The following S100A8 variants were observed in gnomAD, a reference collection of about 807,000 sequenced individuals.
S100A8 encodes the protein S100 calcium binding protein A8.
In S100A8, 1 loss-of-function variant was observed where a neutral mutation model predicts 4.2. That is an observed-to-expected ratio of 0.24 (90% CI 0.08 to 1.12). S100A8 has a LOEUF of 1.12. Ranked by LOEUF, S100A8 falls within the 50% of genes most tolerant of loss-of-function variation. The pLI is 0.53. For synonymous variants in S100A8, 41 were observed against 44.7 expected (o/e 0.92, Z 0.33); for missense variants, 96 against 111.8 (o/e 0.86, Z 0.64).
the S100A8 span, among the ~76,000 whole-genome samples, chr1:153,410,883 T>C: frequency 3.3e-5 from 5 of 152,174 alleles, no homozygotes; most frequent in Admixed American, 2.6e-4. Flanking sequence ...AAAATCCACA[T>C]GATTATCTCA....
At chr1:153,405,755 C>T in the S100A8 span, among the ~76,000 whole-genome samples, 1 of 152,000 alleles carries the variant, frequency 6.6e-6, no homozygotes. Flanking sequence ...CCTGCATTTC[C>T]ATAGAGCCAC....
At chr1:153,407,756 C>T in the S100A8 span, among the ~76,000 whole-genome samples, 5 of 152,182 alleles carry the variant, frequency 3.3e-5, no homozygotes, top group Non-Finnish European at 5.9e-5. Context: ...CCAGGTGCCC[C>T]TCTGAGACAA....
chr1:153,398,406 G>A, the S100A8 span, among the ~76,000 whole-genome samples: 5 of 145,582 alleles, frequency 3.4e-5, no homozygotes, highest in Non-Finnish European at 7.6e-5. Flanking sequence ...GGGGGCCACC[G>A]CAGTCCCTGC....
chr1:153,391,928 C>T (rs375754536), upstream of S100A8, among the ~76,000 whole-genome samples: 20 of 152,076 alleles, frequency 1.3e-4, no homozygotes, highest in African/African-American at 7.3e-5. Flanking sequence ...AAGCCAGACG[C>T]GCTTCATGCC....
upstream of S100A8, among the ~76,000 whole-genome samples, chr1:153,391,399 C>T (rs1557848091): frequency 6.6e-6 from 1 of 152,238 alleles, no homozygotes; most frequent in South Asian, 2.1e-4. Flanking sequence ...TGCTAATCCC[C>T]TGCATTGGTG....
the S100A8 span, chr1:153,422,572 G>A: frequency 2.0e-6 from 2 of 981,338 alleles, no homozygotes; most frequent in African/African-American, 3.5e-5. Context: ...CAGAAATTCT[G>A]ATATCAAAAC....
chr1:153,415,718 G>C, the S100A8 span, among the ~76,000 whole-genome samples: 19 of 150,468 alleles, frequency 1.3e-4, no homozygotes, highest in African/African-American at 4.2e-4. Context: ...TGGGGCGGGG[G>C]GGGCGGGGGT....
At chr1:153,394,064 G>A (rs1247114118), upstream of S100A8, among the ~76,000 whole-genome samples, 1 of 152,190 alleles carries the variant, frequency 6.6e-6, no homozygotes, top group Non-Finnish European at 1.5e-5. Flanking sequence ...CAGGACTTGG[G>A]TAAGCACATC....
the S100A8 span, among the ~76,000 whole-genome samples, chr1:153,407,493 C>T: frequency 6.6e-6 from 1 of 152,224 alleles, no homozygotes; most frequent in East Asian, 1.9e-4. Flanking sequence ...GTGGAGCCCA[C>T]CACAGCTAAA....
the S100A8 span, among the ~76,000 whole-genome samples, chr1:153,410,950 C>T: frequency 6.6e-6 from 1 of 152,170 alleles, no homozygotes; most frequent in Non-Finnish European, 1.5e-5. Context: ...TAAAAACTCT[C>T]AATAAATTCG....
chr1:153,390,341 A>C (rs1035912446), intron 2 of S100A8, 54 bp downstream of exon 2: 3 of 1,603,506 alleles, frequency 1.9e-6, no homozygotes, highest in Middle Eastern at 1.8e-4. Flanking sequence ...CCGCTGGCCC[A>C]GGGCAGCCCC....
chr1:153,408,745 C>T, the S100A8 span, among the ~76,000 whole-genome samples: 3 of 152,190 alleles, frequency 2.0e-5, no homozygotes, highest in African/African-American at 4.8e-5. Context: ...AGGGTACCCA[C>T]AAAGGGAAGC....
chr1:153,404,258 T>C, the S100A8 span, among the ~76,000 whole-genome samples: 5 of 152,112 alleles, frequency 3.3e-5, no homozygotes, highest in African/African-American at 1.2e-4. Flanking sequence ...AGTCACTTCA[T>C]TTAGGCATAG....
the S100A8 span, among the ~76,000 whole-genome samples, chr1:153,412,022 TA>T: frequency 2.6e-5 from 4 of 152,286 alleles, no homozygotes; most frequent in African/African-American, 9.6e-5. Flanking sequence ...CCTAAAACCA[TA>T]GAAACCCTAG....
chr1:153,413,130 T>C, the S100A8 span, among the ~76,000 whole-genome samples: 1 of 152,332 alleles, frequency 6.6e-6, no homozygotes, highest in East Asian at 1.9e-4. Context: ...ACTGAAAGTA[T>C]AATAATAATT....
At chr1:153,418,176 C>A in the S100A8 span, 1 of 1,614,048 alleles carries the variant, frequency 6.2e-7, no homozygotes, top group East Asian at 2.2e-5. Flanking sequence ...GAAGCCAAGC[C>A]TGCTGACGAT....
the S100A8 span, among the ~76,000 whole-genome samples, chr1:153,403,835 A>G: frequency 6.6e-6 from 1 of 152,134 alleles, no homozygotes; most frequent in African/African-American, 2.4e-5. Flanking sequence ...TCTGAACACC[A>G]TCGGGGTATC....
chr1:153,391,696 T>C (rs1662102220), upstream of S100A8, among the ~76,000 whole-genome samples: 1 of 152,210 alleles, frequency 6.6e-6, no homozygotes, highest in Admixed American at 6.5e-5. Context: ...CCCACACTCC[T>C]CCACAGCTTT....
chr1:153,408,891 G>A, the S100A8 span, among the ~76,000 whole-genome samples: 1 of 152,120 alleles, frequency 6.6e-6, no homozygotes, highest in African/African-American at 2.4e-5. Context: ...TTCATAAGTG[G>A]AGGAGAAATA....
Sources: gnomAD v4.1 joint callset for allele counts (sites outside exome capture counted in the v4.1 genomes callset) on GRCh38, gnomAD v4.1.1 for gene constraint, MANE v1.5 for transcripts, NCBI Gene and HGNC (gene_info 2026-07-23, HGNC 2026-07-21) for gene names.